Variants in COL18A1 observed in about 807,000 individuals in gnomAD.
COL18A1 encodes collagen alpha-1(XVIII) chain.
Under a neutral mutation model 168.0 loss-of-function variants are expected in COL18A1, and 133 were observed. The observed-to-expected ratio is 0.79, with a 90% CI of 0.69 to 0.91. The LOEUF (loss-of-function observed/expected upper bound fraction) is 0.91, where lower values mean the gene tolerates loss of function less well. Ranked by LOEUF, COL18A1 falls within the 40% of genes least tolerant of loss-of-function variation. The pLI is 0.00. For missense variants in COL18A1, 2,126 were observed against 1,925.4 expected, an observed-to-expected ratio of 1.10 and a Z score of -1.95; for synonymous variants, 949 against 809.0, an observed-to-expected ratio of 1.17 and a Z score of -2.94.
chr21:45,472,278 C>T (rs2035462893), intron 3 of COL18A1, among the ~76,000 whole-genome samples: 4 of 151,284 alleles, frequency 2.6e-5, no homozygotes, highest in African/African-American at 9.7e-5. Context: ...GGCTGGAGTG[C>T]AGTGGCACGA....
chr21:45,421,933 T>C (rs1044788511), intron 2 of COL18A1, among the ~76,000 whole-genome samples: 4 of 152,124 alleles, frequency 2.6e-5, no homozygotes, highest in African/African-American at 7.2e-5. Flanking sequence ...CAACCCTCCA[T>C]TCCTGCCTGT....
At chr21:45,438,617 G>A (rs992451063) in intron 2 of COL18A1, among the ~76,000 whole-genome samples, 1 of 152,252 alleles carries the variant, frequency 6.6e-6, no homozygotes, top group South Asian at 2.1e-4. Flanking sequence ...GCAGTGGAGA[G>A]GGAGTGTGTG....
chr21:45,416,330 G>A (rs1314642911), intron 2 of COL18A1, among the ~76,000 whole-genome samples: 7 of 152,174 alleles, frequency 4.6e-5, no homozygotes, highest in South Asian at 2.1e-4. Context: ...GCCATGCCCA[G>A]TGTCCTTTGT....
rs71240728 is a variant in COL18A1 at position 45,437,119 on chromosome 21, A to ACACACACT, written c.107-31121_107-31120insCACACTCA. 5.7e-4 allele frequency among the ~76,000 whole-genome samples: 65 copies of ACACACACT among 113,594 alleles called. 2 individuals carry two copies. The highest frequency in any genetic ancestry group is 7.9e-4 in the Non-Finnish European group (44 of 55,722). 74.5% of individuals were successfully genotyped at this position (113,594 alleles called of 152,430 possible). ...CACTCTCCTGCACACACACTCACACACAGACACACAGGCACTCTCCACACA... is the reference window on the plus strand; with the variant it reads ...CACTCTCCTGCACACACACTCACACACACACACTCAGACACACAGGCACTCTCCACACA... On this transcript the variant is annotated intron_variant, in intron 2 of 41. Coordinates refer to ENST00000651438, the MANE Select transcript of COL18A1 (RefSeq NM_001379500.1).
In COL18A1 at chr21:45,491,393, C is replaced by T. The variant is rs553475246; in HGVS notation, c.2157+79C>T. ...CAGAGATCCCTCCCCGAGCCCCCCC[C>T]ACACCCCCACATCCCCCAGGTCAGG... On this transcript the variant is annotated intron_variant, in intron 22 of 41. Coordinates refer to ENST00000651438, the MANE Select transcript of COL18A1 (RefSeq NM_001379500.1). 2.0e-3 allele frequency: 1,432 copies of T among 729,222 alleles called. 6 individuals are homozygous for T. Among genetic ancestry groups the T allele is most frequent in the Non-Finnish European group, 1.6e-3 (656 of 404,216 alleles). The allele number at this position is 729,222 out of a possible 1,614,324, so 45.2% of individuals were successfully genotyped here.
intron 2 of COL18A1, among the ~76,000 whole-genome samples, chr21:45,413,255 G>A (rs879670460): frequency 5.3e-5 from 8 of 152,218 alleles, no homozygotes; most frequent in East Asian, 3.8e-4. Flanking sequence ...ACTGAGCCCC[G>A]CGCTGTGCCT....
chr21:45,421,710 G>T, intron 2 of COL18A1: 1 of 443,352 alleles, frequency 2.3e-6, no homozygotes, highest in Non-Finnish European at 4.6e-6. Flanking sequence ...TGCCGTGCCT[G>T]CCTGGCACAG....
At position 45,498,124 on chromosome 21, in the gene COL18A1, C is replaced by T. The variant is rs1026878464; in HGVS notation, c.2683+463C>T. On this transcript the variant is annotated intron_variant, in intron 32 of 41. Coordinates refer to ENST00000651438, the MANE Select transcript of COL18A1 (RefSeq NM_001379500.1). This position sits in a 1 kb window ranked among gnomAD's most constrained non-coding sequence, Gnocchi z 4.5. ...CCTGCTCCCCCAAAGGACAAGAATT[C>T]CCCCCTGAGCCCCACCTCCATTGAG... is the stretch of plus-strand genomic sequence containing the variant. 3 of 630,782 alleles carry T rather than the reference C, an allele frequency of 4.8e-6. No homozygotes were observed. Among genetic ancestry groups the T allele is most frequent in the Admixed American group, 2.5e-5 (1 of 39,484 alleles). 39.1% of individuals were successfully genotyped at this position (630,782 alleles called of 1,614,324 possible). A position where few individuals can be genotyped will look rare whatever the true frequency, so the allele number is the denominator to read the frequency against.
chr21:45,494,749 G>C, intron 27 of COL18A1, 113 bp from the exon 28 acceptor site: 1 of 1,264,782 alleles, frequency 7.9e-7, no homozygotes, highest in Non-Finnish European at 1.1e-6. Context: ...CCGAGCTGAT[G>C]GGTGGCCCAG....
At chr21:45,464,361 C>T (rs376781935) in intron 2 of COL18A1, among the ~76,000 whole-genome samples, 1 of 152,170 alleles carries the variant, frequency 6.6e-6, no homozygotes, top group East Asian at 1.9e-4. Context: ...ATAAGGCAGG[C>T]CCTCGGCAAG....
At chr21:45,455,950 G>T (rs570643977) in intron 2 of COL18A1, 3 of 1,612,952 alleles carry the variant, frequency 1.9e-6, no homozygotes, top group Non-Finnish European at 2.5e-6. Flanking sequence ...TGGCCAGGGC[G>T]GAAACCCTGG....
Position 45,425,751 on chromosome 21 carries a change from C to T in COL18A1, c.106+20278C>T, listed in dbSNP as rs2033779227. On this transcript the variant is annotated intron_variant, in intron 2 of 41. Transcript: ENST00000651438. The surrounding 1 kb of genome is among the most constrained non-coding windows in gnomAD (Gnocchi z 4.1). Reference sequence around the variant, plus strand: ...GGCCTGTGGTGACCCCCATCCTCCCCAGGGTGGTCTGGCAGGGGACACTGT... The same window carrying T: ...GGCCTGTGGTGACCCCCATCCTCCCTAGGGTGGTCTGGCAGGGGACACTGT... 6.6e-6 allele frequency among the ~76,000 whole-genome samples: 1 copy of T among 152,200 alleles called. No individual in the cohort carries two copies. The highest frequency in any genetic ancestry group is 6.5e-5 in the Admixed American group (1 of 15,284).
At position 45,429,481 on chromosome 21, in the gene COL18A1, A is replaced by G. The variant is rs56191803; in HGVS notation, c.106+24008A>G. Among the ~76,000 whole-genome samples the G allele has an allele frequency of 8.8e-3, 1,344 of 152,264 alleles. 8 individuals are homozygous for G. Among genetic ancestry groups the G allele is most frequent in the Middle Eastern group, 0.034 (10 of 292 alleles). ...GCAGTGCCCGCCCATTCCATCATTCAGTCACCCACTGTGCACCCAGCACCC... is the reference window on the plus strand; with the variant it reads ...GCAGTGCCCGCCCATTCCATCATTCGGTCACCCACTGTGCACCCAGCACCC... On this transcript the variant is annotated intron_variant, in intron 2 of 41. Transcript: ENST00000651438.
chr21:45,438,531 C>G (rs1267157205), intron 2 of COL18A1, among the ~76,000 whole-genome samples: 1 of 152,242 alleles, frequency 6.6e-6, no homozygotes, highest in Non-Finnish European at 1.5e-5. Context: ...CTTTTCCTGC[C>G]GGCTGCACGG....
At chr21:45,490,660 G>GGGTCTCTGGGCCTCCGT (rs71185154) in intron 20 of COL18A1, among the ~76,000 whole-genome samples, 176 bp from the exon 21 acceptor site, 1 of 149,228 alleles carries the variant, frequency 6.7e-6, no homozygotes, top group African/African-American at 2.5e-5. Context: ...GCCCACTCCC[G>GGGTCTCTGGGCCTCCGT]GAGCGCCAGG....
rs775176058 is a variant in COL18A1 at position 45,496,565 on chromosome 21, C to T, written c.2574C>T (p.Ser858=). The T allele has an allele frequency of 2.1e-6, 3 of 1,449,448 alleles. No individual in the cohort carries two copies. The highest frequency in any genetic ancestry group is 2.3e-5 in the East Asian group (1 of 44,164). 89.8% of individuals were successfully genotyped at this position (1,449,448 alleles called of 1,614,324 possible). Residue 858 remains serine, a synonymous_variant, in exon 30 of 42, where the codon AGC becomes AGT. Coordinates refer to ENST00000651438, the MANE Select transcript of COL18A1 (RefSeq NM_001379500.1). ...CTCCAGGGACTCCTGTTTACGACAG[C>T]AATGTAAGTCCCCAGGGCACCCACT... ...PGPPGTPVYD[S]NVFAESSRPG... is the part of the protein sequence containing the mutation.
intron 34 of COL18A1, 26 bp downstream of exon 34, chr21:45,504,582 G>A: frequency 1.3e-6 from 2 of 1,556,166 alleles, no homozygotes; most frequent in South Asian, 2.3e-5. Context: ...TGCAGGCAGA[G>A]CCCATGTCCC....
intron 2 of COL18A1, among the ~76,000 whole-genome samples, chr21:45,406,852 A>G (rs2033127630): frequency 6.6e-6 from 1 of 152,262 alleles, no homozygotes; most frequent in African/African-American, 2.4e-5. Flanking sequence ...CTTTGGTGAG[A>G]TGCAATCTTG....
chr21:45,508,312 C>G (rs1389372999), intron 38 of COL18A1, among the ~76,000 whole-genome samples: 1 of 136,572 alleles, frequency 7.3e-6, no homozygotes, highest in Non-Finnish European at 1.6e-5. Flanking sequence ...GGTTGCTGGA[C>G]AGGTGGGTGA....
Sources: gnomAD v4.1 joint callset for allele counts (sites outside exome capture counted in the v4.1 genomes callset) on GRCh38, gnomAD v4.1.1 for gene constraint, Gnocchi (gnomAD v3.1) non-coding constraint, MANE v1.5 for transcripts, NCBI Gene and HGNC (gene_info 2026-07-23, HGNC 2026-07-21) for gene names.